Variants in DPYD observed in about 807,000 individuals in gnomAD.
DPYD encodes dihydropyrimidine dehydrogenase, also known as dihydropyrimidine dehydrogenase [NADP(+)].
Under a neutral mutation model 116.2 loss-of-function variants are expected in DPYD, and 109 were observed. The ratio of observed to expected loss-of-function variants is 0.94; its 90% CI spans 0.80 to 1.10. DPYD has a LOEUF of 1.10. DPYD is among the 50% of genes least tolerant of loss of function. DPYD has a pLI of 0.00. For synonymous variants in DPYD, 440 were observed against 432.0 expected (o/e 1.02, Z -0.23); for missense variants, 1,302 against 1,254.5 (o/e 1.04, Z -0.57).
At chr1:97,540,358 GGAACAAAACAAAACA>G (rs1650343372) in intron 12 of DPYD, among the ~76,000 whole-genome samples, 2 of 142,628 alleles carry the variant, frequency 1.4e-5, no homozygotes, top group African/African-American at 5.3e-5. Context: ...GGCGGGGCAG[GGAACAAAACAAAACA>G]AAACAAAACA....
rs369319945 is a variant in DPYD at position 97,747,412 on chromosome 1, G to C, written c.234-6933C>G. 4.6e-5 allele frequency among the ~76,000 whole-genome samples: 7 copies of C among 152,266 alleles called. No individual in the cohort carries two copies. In the South Asian group the frequency reaches 1.4e-3, roughly 32 times the overall value. On this transcript the variant is annotated intron_variant, in intron 3 of 22. Transcript: ENST00000370192. Reference sequence around the variant, plus strand: ...CTTTATGTCCTGGAGGGACGGGCTTGTTGGCGACACTCTCCTAGGAAGCCA... The same window carrying C: ...CTTTATGTCCTGGAGGGACGGGCTTCTTGGCGACACTCTCCTAGGAAGCCA...
At chr1:97,577,151 A>G (rs1321261778) in intron 10 of DPYD, among the ~76,000 whole-genome samples, 1 of 152,224 alleles carries the variant, frequency 6.6e-6, no homozygotes. Flanking sequence ...TATTTTAAAT[A>G]TAAGCTGGAC....
At chr1:97,460,238 A>G (rs1676943145) in intron 13 of DPYD, among the ~76,000 whole-genome samples, 1 of 152,210 alleles carries the variant, frequency 6.6e-6, no homozygotes, top group Non-Finnish European at 1.5e-5. Flanking sequence ...CTCTGTTGTC[A>G]TATGGTTCTG....
intron 18 of DPYD, among the ~76,000 whole-genome samples, chr1:97,296,416 T>C (rs10783058): frequency 0.31 from 46,961 of 151,852 alleles, 7,621 homozygotes; most frequent in Non-Finnish European, 0.35. Context: ...GGATTTCCAA[T>C]GTCTACACCT....
Position 97,485,229 on chromosome 1 carries a change from G to A in DPYD, c.1740+30497C>T, listed in dbSNP as rs140860308. Among the ~76,000 whole-genome samples, 554 of 152,084 alleles carry A rather than the reference G, an allele frequency of 3.6e-3. 3 individuals carry two copies. Among genetic ancestry groups the A allele is most frequent in the African/African-American group, 0.013 (520 of 41,462 alleles). ...TTTTTATTTATTTAGACAGAGTCTC[G>A]CTCTGTCTCTCAGGCTGGAGTGCAG... On this transcript the variant is annotated intron_variant, in intron 13 of 22. Coordinates refer to ENST00000370192, the MANE Select transcript of DPYD (RefSeq NM_000110.4).
In DPYD at chr1:97,193,190, A is replaced by C; in HGVS notation, c.2501T>G (p.Leu834Arg). The C allele has an allele frequency of 1.2e-6, 2 of 1,614,010 alleles. No individual in the cohort carries two copies. Among genetic ancestry groups the C allele is most frequent in the Non-Finnish European group, 1.7e-6 (2 of 1,179,962 alleles). ...FTVIEDYCTG[L>R]KALLYLKSIE... The stretch of plus-strand genomic sequence containing the variant: ...GCTTTTCAGATAAAGCAGGGCTTTG[A>C]GGCCAGTGCAGTAGTCTTCGATCAC... The change falls in exon 20 of 23, where the codon CTC (leucine) becomes CGC (arginine). Residue 834 changes from leucine (L) to arginine (R), a missense_variant. Transcript: ENST00000370192.
rs146391061 is a variant in DPYD, at chr1:97,158,715, A to G, written c.2622+34354T>C. ...TGAGAAATCAGAGTTGGGGCCATCA[A>G]AACATCTAGAAACTGGGGAGATATC... On this transcript the variant is annotated intron_variant, in intron 20 of 22. Transcript: ENST00000370192. Among the ~76,000 whole-genome samples, 1,282 of 152,204 alleles carry G rather than the reference A, an allele frequency of 8.4e-3. 12 individuals are homozygous for G. The highest frequency in any genetic ancestry group is 0.013 in the Non-Finnish European group (914 of 68,012).
At chr1:97,351,465 A>G (rs746077682) in intron 16 of DPYD, among the ~76,000 whole-genome samples, 2 of 152,138 alleles carry the variant, frequency 1.3e-5, no homozygotes, top group Non-Finnish European at 2.9e-5. Context: ...TCAAAGTGGC[A>G]AGAAAAGAAA....
At chr1:97,333,853 G>A (rs528688201) in intron 16 of DPYD, among the ~76,000 whole-genome samples, 2 of 152,072 alleles carry the variant, frequency 1.3e-5, no homozygotes, top group African/African-American at 4.8e-5. Flanking sequence ...AAGTTGATGG[G>A]TCCTAGCCAA....
At chr1:97,227,693 T>C (rs1384592880) in intron 19 of DPYD, among the ~76,000 whole-genome samples, 2 of 147,466 alleles carry the variant, frequency 1.4e-5, no homozygotes, top group Non-Finnish European at 2.9e-5. Flanking sequence ...ACCCATATAA[T>C]GGATTTTATA....
At chr1:97,203,674 C>CAA (rs575950598) in intron 19 of DPYD, among the ~76,000 whole-genome samples, 2 of 18,198 alleles carry the variant, frequency 1.1e-4, no homozygotes, top group African/African-American at 4.2e-4. Flanking sequence ...CCCCCCCCCC[C>CAA]AAAAAAAAAA....
At chr1:97,615,366 GC>G (rs1191930855) in intron 8 of DPYD, among the ~76,000 whole-genome samples, 12 of 152,074 alleles carry the variant, frequency 7.9e-5, no homozygotes, top group Admixed American at 7.9e-4. Flanking sequence ...TAGACACTAT[GC>G]TGGGTGTCGG....
rs77444386 is a variant in DPYD, at chr1:97,404,389, T to C, written c.1906-21928A>G. ...GTCCATTTCTGACAGAGAAGTGTTG[T>C]AGTCTCCAACTATGCTAATAGATGC... On this transcript the variant is annotated intron_variant, in intron 14 of 22. Transcript: ENST00000370192. Among the ~76,000 whole-genome samples, 113 of 152,246 alleles carry C rather than the reference T, an allele frequency of 7.4e-4. No individual in the cohort carries two copies. The East Asian group carries it at 0.016, about 22-fold the overall frequency.
intron 12 of DPYD, among the ~76,000 whole-genome samples, chr1:97,537,135 A>G (rs1274613312): frequency 6.6e-6 from 1 of 152,202 alleles, no homozygotes; most frequent in Non-Finnish European, 1.5e-5. Context: ...CAACACAGAG[A>G]AGTTCTTGTA....
chr1:97,407,102 A>G (rs1409386354), intron 14 of DPYD, among the ~76,000 whole-genome samples: 2 of 152,206 alleles, frequency 1.3e-5, no homozygotes, highest in African/African-American at 4.8e-5. Context: ...TTCATTTAAT[A>G]AACTACCTTT....
At chr1:97,558,457 G>A (rs1651907076) in intron 11 of DPYD, among the ~76,000 whole-genome samples, 1 of 152,090 alleles carries the variant, frequency 6.6e-6, no homozygotes, top group African/African-American at 2.4e-5. Context: ...AGTTCATCAT[G>A]TGGAGAAAAA....
chr1:97,759,631 A>G (rs1382344470), intron 3 of DPYD, among the ~76,000 whole-genome samples: 1 of 152,316 alleles, frequency 6.6e-6, no homozygotes, highest in African/African-American at 2.4e-5. Flanking sequence ...GCTTTGTTTT[A>G]GATGAATATT....
intron 5 of DPYD, chr1:97,720,341 G>C (rs1662853264): frequency 1.0e-6 from 1 of 985,348 alleles, no homozygotes. Context: ...AGAGGCAATG[G>C]GTCCCCAAAG....
At chr1:97,223,267 G>A (rs1159401710) in intron 19 of DPYD, among the ~76,000 whole-genome samples, 2 of 151,930 alleles carry the variant, frequency 1.3e-5, no homozygotes, top group South Asian at 2.1e-4. Flanking sequence ...TGAGTTCAGC[G>A]AGTGGCCGTC....
Sources: allele counts gnomAD v4.1 joint callset (sites outside exome capture counted in the v4.1 genomes callset), GRCh38; gene constraint gnomAD v4.1.1; transcripts MANE v1.5; gene names NCBI Gene and HGNC (gene_info 2026-07-23, HGNC 2026-07-21).